The following ELAPOR2 variants were observed in gnomAD, a reference collection of about 807,000 sequenced individuals.
The protein encoded by ELAPOR2 is endosome/lysosome-associated apoptosis and autophagy regulator family member 2.
A neutral mutation model predicts 120.7 loss-of-function variants in ELAPOR2; 89 were observed. That is an observed-to-expected ratio of 0.74 (90% CI 0.62 to 0.88). The LOEUF (loss-of-function observed/expected upper bound fraction) is 0.88, where lower values mean the gene tolerates loss of function less well. ELAPOR2 is among the 40% of genes least tolerant of loss of function. ELAPOR2 has a pLI of 0.00. For synonymous variants in ELAPOR2, 444 were observed against 444.9 expected (o/e 1.00, Z 0.03); for missense variants, 1,134 against 1,251.6 (o/e 0.91, Z 1.42).
At position 86,960,817 on chromosome 7, in the gene ELAPOR2, T is replaced by C. The variant is rs749217079; in HGVS notation, c.310+4087A>G. Among the ~76,000 whole-genome samples, 65 of 152,274 alleles carry C rather than the reference T, an allele frequency of 4.3e-4. 2 individuals carry two copies. The highest frequency in any genetic ancestry group is 4.4e-5 in the Non-Finnish European group (3 of 68,024). ...TGACTTAAAGTCTATTTTGTGCAGA[T>C]AGTGTAAGTCTGCTTATTTCTTAAC... is the stretch of plus-strand genomic sequence containing the variant. On this transcript the variant is annotated intron_variant, in intron 2 of 21. Transcript: ENST00000450689.
intron 1 of ELAPOR2, among the ~76,000 whole-genome samples, chr7:87,011,616 T>G (rs1024479066): frequency 4.6e-5 from 7 of 152,216 alleles, no homozygotes; most frequent in Non-Finnish European, 1.0e-4. Context: ...TACAGCCTTG[T>G]TTATCCAGCT....
At position 87,027,678 on chromosome 7, in the gene ELAPOR2, G is replaced by A. The variant is rs185301015; in HGVS notation, c.189+31647C>T. Reference sequence around the variant, plus strand: ...AGGATGGATGTGAAGAGACACACAGGGAGAAGATGGCCATCCATGCCAAGG... The same window carrying A: ...AGGATGGATGTGAAGAGACACACAGAGAGAAGATGGCCATCCATGCCAAGG... On this transcript the variant is annotated intron_variant, in intron 1 of 21. Transcript: ENST00000450689. Among the ~76,000 whole-genome samples, 279 of 152,250 alleles carry A rather than the reference G, an allele frequency of 1.8e-3. 1 individual carries two copies. Among genetic ancestry groups the A allele is most frequent in the African/African-American group, 6.4e-3 (265 of 41,562 alleles).
intron 1 of ELAPOR2, among the ~76,000 whole-genome samples, chr7:87,049,646 T>C (rs1795047744): frequency 6.6e-6 from 1 of 152,052 alleles, no homozygotes; most frequent in Admixed American, 6.5e-5. Flanking sequence ...CTGAAGTGCA[T>C]GAGGGACAAA....
intron 1 of ELAPOR2, among the ~76,000 whole-genome samples, chr7:87,021,117 C>T (rs766097347): frequency 4.3e-4 from 66 of 152,200 alleles, no homozygotes; most frequent in Non-Finnish European, 1.8e-4. Flanking sequence ...AAGGATTACA[C>T]AGCTAGTAAG....
At chr7:86,936,697 T>C (rs1341960855) in intron 8 of ELAPOR2, among the ~76,000 whole-genome samples, 3 of 152,052 alleles carry the variant, frequency 2.0e-5, no homozygotes, top group East Asian at 1.9e-4. Context: ...CCCATATACA[T>C]ATATGTGTCT....
intron 21 of ELAPOR2, among the ~76,000 whole-genome samples, chr7:86,885,787 A>G (rs1376164928): frequency 1.3e-5 from 2 of 152,172 alleles, no homozygotes; most frequent in Non-Finnish European, 2.9e-5. Context: ...GAGGGATTCT[A>G]TGTGTCCATT....
intron 21 of ELAPOR2, among the ~76,000 whole-genome samples, chr7:86,886,516 T>C (rs1799696712): frequency 6.6e-6 from 1 of 152,074 alleles, no homozygotes; most frequent in Non-Finnish European, 1.5e-5. Context: ...TTAGACTCAT[T>C]ACCTCTTGAT....
At chr7:86,904,146 C>A (rs1379767863) in intron 18 of ELAPOR2, among the ~76,000 whole-genome samples, 1 of 152,190 alleles carries the variant, frequency 6.6e-6, no homozygotes, top group Non-Finnish European at 1.5e-5. Flanking sequence ...ATGTGTTTGA[C>A]TCAAGGATCT....
In ELAPOR2 at chr7:87,035,703, CTCAAGACCCTCCA is replaced by C. The variant is rs1330018496; in HGVS notation, c.189+23609_189+23621del. On this transcript the variant is annotated intron_variant, in intron 1 of 21. Coordinates refer to ENST00000450689, the MANE Select transcript of ELAPOR2 (RefSeq NM_001142749.3). ...AGGCATTCTTCTCATATAAACAGAA[CTCAAGACCCTCCA>C]TCATTGCTTTTGCAGCCATATGACA... Among the ~76,000 whole-genome samples, 24 of 152,214 alleles carry C rather than the reference CTCAAGACCCTCCA, an allele frequency of 1.6e-4. No homozygotes were observed. The East Asian group carries it at 4.6e-3, about 29-fold the overall frequency.
At chr7:86,999,919 G>A (rs926508462) in intron 1 of ELAPOR2, among the ~76,000 whole-genome samples, 18 of 151,956 alleles carry the variant, frequency 1.2e-4, no homozygotes, top group African/African-American at 4.1e-4. Flanking sequence ...GACTAATTTC[G>A]GGTCTAAATG....
chr7:87,025,434 A>G (rs1396234701), intron 1 of ELAPOR2, among the ~76,000 whole-genome samples: 2 of 152,136 alleles, frequency 1.3e-5, no homozygotes, highest in Admixed American at 6.6e-5. Flanking sequence ...TTTACAGATG[A>G]TCTAAACCAG....
At chr7:87,034,179 GTA>G (rs1794507522) in intron 1 of ELAPOR2, among the ~76,000 whole-genome samples, 1 of 152,136 alleles carries the variant, frequency 6.6e-6, no homozygotes, top group Non-Finnish European at 1.5e-5. Context: ...AATAGAGGCA[GTA>G]TAGTCTGATG....
intron 2 of ELAPOR2, among the ~76,000 whole-genome samples, chr7:86,961,243 A>C: frequency 6.6e-6 from 1 of 152,218 alleles, no homozygotes; most frequent in East Asian, 1.9e-4. Context: ...AAGATATCTT[A>C]ATCATCTTCA....
chr7:86,967,998 T>C (rs1791975886), intron 1 of ELAPOR2, among the ~76,000 whole-genome samples: 1 of 152,208 alleles, frequency 6.6e-6, no homozygotes, highest in Non-Finnish European at 1.5e-5. Flanking sequence ...AACAGGCTAC[T>C]TCATTTGGGC....
chr7:86,973,115 C>G (rs1460365979), intron 1 of ELAPOR2, among the ~76,000 whole-genome samples: 1 of 152,090 alleles, frequency 6.6e-6, no homozygotes. Flanking sequence ...TGCTTCTGCT[C>G]TTGCCCACAC....
At chr7:87,043,918 G>T (rs1434483347) in intron 1 of ELAPOR2, among the ~76,000 whole-genome samples, 16 of 151,790 alleles carry the variant, frequency 1.1e-4, no homozygotes, top group Admixed American at 1.0e-3. Context: ...GAAGTCTCAG[G>T]ATACAAAATC....
chr7:86,992,729 G>A (rs2116602130), intron 1 of ELAPOR2, among the ~76,000 whole-genome samples: 1 of 152,208 alleles, frequency 6.6e-6, no homozygotes, highest in South Asian at 2.1e-4. Context: ...TAAATGAAAA[G>A]GTGAATTTAT....
At chr7:86,990,732 A>G (rs1374283263) in intron 1 of ELAPOR2, among the ~76,000 whole-genome samples, 1 of 152,186 alleles carries the variant, frequency 6.6e-6, no homozygotes, top group Non-Finnish European at 1.5e-5. Flanking sequence ...ACAAACAGCA[A>G]AGTTAGAGAA....
intron 18 of ELAPOR2, among the ~76,000 whole-genome samples, chr7:86,898,447 GA>G (rs748112913): frequency 4.7e-5 from 7 of 149,362 alleles, no homozygotes; most frequent in Non-Finnish European, 1.0e-4. Flanking sequence ...CCACATCCCT[GA>G]ATACTCTAAA....
Sources: gnomAD v4.1 joint callset for allele counts (sites outside exome capture counted in the v4.1 genomes callset) on GRCh38, gnomAD v4.1.1 for gene constraint, MANE v1.5 for transcripts, NCBI Gene and HGNC (gene_info 2026-07-23, HGNC 2026-07-21) for gene names.